FSTL4: variants seen among roughly 807,000 people sequenced by gnomAD.
FSTL4 encodes follistatin-related protein 4.
In FSTL4, 28 loss-of-function variants were observed where a neutral mutation model predicts 78.2. The ratio of observed to expected loss-of-function variants is 0.36; its 90% CI spans 0.27 to 0.49. FSTL4 has a LOEUF of 0.49. Ranked by LOEUF, FSTL4 falls within the 20% of genes least tolerant of loss-of-function variation. FSTL4 has a pLI of 0.98. For missense variants in FSTL4, 922 were observed against 1,084.9 expected (o/e 0.85, Z 2.11); for synonymous variants, 422 against 440.5 (o/e 0.96, Z 0.53).
chr5:133,548,288 G>A (rs1337974374), intron 3 of FSTL4, among the ~76,000 whole-genome samples: 1 of 149,492 alleles, frequency 6.7e-6, no homozygotes, highest in Non-Finnish European at 1.5e-5. Context: ...CAGGTGACTT[G>A]GGGGAACCCT....
intron 4 of FSTL4, among the ~76,000 whole-genome samples, chr5:133,384,023 T>G (rs1755640198): frequency 6.6e-6 from 1 of 152,240 alleles, no homozygotes; most frequent in African/African-American, 2.4e-5. Flanking sequence ...TTTAAATTAT[T>G]AAGCTTTTGG....
At chr5:133,643,146 T>C in the FSTL4 span, among the ~76,000 whole-genome samples, 3 of 152,316 alleles carry the variant, frequency 2.0e-5, no homozygotes, top group East Asian at 5.8e-4. Flanking sequence ...TGCATAGGTT[T>C]GAACTCAGCT....
the FSTL4 span, among the ~76,000 whole-genome samples, chr5:133,756,780 GT>G: frequency 6.6e-6 from 1 of 152,072 alleles, no homozygotes; most frequent in East Asian, 1.9e-4. Flanking sequence ...TTGTGGTGAG[GT>G]TTTTTTCTAA....
At chr5:133,835,090 A>C in the FSTL4 span, among the ~76,000 whole-genome samples, 1 of 152,228 alleles carries the variant, frequency 6.6e-6, no homozygotes, top group East Asian at 1.9e-4. Context: ...CACGTAGATC[A>C]GTACCCTCCT....
intron 4 of FSTL4, among the ~76,000 whole-genome samples, chr5:133,391,516 G>C (rs866321292): frequency 6.6e-6 from 1 of 152,292 alleles, no homozygotes; most frequent in East Asian, 1.9e-4. Context: ...TGGGCCTCAC[G>C]GAGTAATGAG....
chr5:133,802,169 G>C, the FSTL4 span, among the ~76,000 whole-genome samples: 121 of 152,352 alleles, frequency 7.9e-4, 1 homozygote, highest in African/African-American at 2.6e-3. Context: ...AACTCTGTAA[G>C]GGCCTGGACT....
intron 7 of FSTL4, among the ~76,000 whole-genome samples, chr5:133,242,526 C>A (rs1211340232): frequency 1.3e-5 from 2 of 152,070 alleles, no homozygotes; most frequent in African/African-American, 4.8e-5. Flanking sequence ...GCCCTGAGGC[C>A]AGGGCTTCCC....
At position 133,556,097 on chromosome 5, in the gene FSTL4, T is replaced by G. The variant is rs902284503; in HGVS notation, c.160+11089A>C. On this transcript the variant is annotated intron_variant, in intron 3 of 15. Transcript: ENST00000265342. ...CCTCTGACTCTGCAGGCATGCTGAC[T>G]GTAGAACAATGAATCCACATTTTTG... 2.0e-5 allele frequency among the ~76,000 whole-genome samples: 3 copies of G among 152,192 alleles called. No individual in the cohort carries two copies. In the East Asian group the frequency reaches 5.8e-4, roughly 29 times the overall value.
intron 2 of FSTL4, among the ~76,000 whole-genome samples, chr5:133,589,837 A>G (rs1314868400): frequency 2.0e-5 from 3 of 152,216 alleles, no homozygotes; most frequent in African/African-American, 7.2e-5. Context: ...AGATAGTCAG[A>G]AAGCCAGATG....
the FSTL4 span, among the ~76,000 whole-genome samples, chr5:133,802,579 C>T: frequency 3.9e-5 from 6 of 152,220 alleles, no homozygotes; most frequent in African/African-American, 1.2e-4. Flanking sequence ...GGACTCCCAG[C>T]TACACACATG....
the FSTL4 span, among the ~76,000 whole-genome samples, chr5:133,768,479 A>G: frequency 6.6e-6 from 1 of 152,208 alleles, no homozygotes; most frequent in Non-Finnish European, 1.5e-5. Flanking sequence ...GCCACAATGA[A>G]CACTCATTCA....
intron 6 of FSTL4, among the ~76,000 whole-genome samples, chr5:133,300,524 GTA>G (rs1482438868): frequency 6.6e-6 from 1 of 152,202 alleles, no homozygotes; most frequent in Non-Finnish European, 1.5e-5. Context: ...GGCCTGGACA[GTA>G]TTCAGCCTGG....
At chr5:133,518,726 A>G (rs1178307794) in intron 3 of FSTL4, among the ~76,000 whole-genome samples, 2 of 152,232 alleles carry the variant, frequency 1.3e-5, no homozygotes, top group African/African-American at 4.8e-5. Context: ...GTGCATAGGA[A>G]AAAGCTTGGT....
At chr5:133,701,295 C>G in the FSTL4 span, among the ~76,000 whole-genome samples, 1 of 151,402 alleles carries the variant, frequency 6.6e-6, no homozygotes, top group African/African-American at 2.4e-5. Context: ...CCCAGCTATT[C>G]CAGTGGCTGG....
rs937153900 is a variant in FSTL4, at chr5:133,368,708, C to T, written c.409+32030G>A. On this transcript the variant is annotated intron_variant, in intron 4 of 15. Coordinates refer to ENST00000265342, the MANE Select transcript of FSTL4 (RefSeq NM_015082.2). The stretch of plus-strand genomic sequence containing the variant: ...ACAGATTCCTGAGCCAGGAAACAAA[C>T]GTGCACCAGAACAGAACCGGTGGGT... 6.6e-5 allele frequency among the ~76,000 whole-genome samples: 10 copies of T among 152,300 alleles called. No homozygotes were observed. The East Asian group carries it at 1.4e-3, about 21-fold the overall frequency.
At chr5:133,510,528 T>C (rs1381631853) in intron 3 of FSTL4, among the ~76,000 whole-genome samples, 1 of 152,148 alleles carries the variant, frequency 6.6e-6, no homozygotes, top group East Asian at 1.9e-4. Flanking sequence ...TACCCAACAA[T>C]GTTCCCAGCC....
At chr5:133,735,736 C>G in the FSTL4 span, among the ~76,000 whole-genome samples, 1 of 152,122 alleles carries the variant, frequency 6.6e-6, no homozygotes, top group Non-Finnish European at 1.5e-5. Flanking sequence ...TGAAGAGGGA[C>G]CTCACGTCTC....
At chr5:133,789,948 G>A in the FSTL4 span, among the ~76,000 whole-genome samples, 2 of 152,114 alleles carry the variant, frequency 1.3e-5, no homozygotes, top group Non-Finnish European at 2.9e-5. Flanking sequence ...GCATTTTGGG[G>A]AGACATAAAT....
chr5:133,808,645 C>A, the FSTL4 span, among the ~76,000 whole-genome samples: 1 of 152,272 alleles, frequency 6.6e-6, no homozygotes, highest in Admixed American at 6.5e-5. Flanking sequence ...ACTTTGAAAG[C>A]CTGATGGTGA....
Sources: allele counts gnomAD v4.1 joint callset (sites outside exome capture counted in the v4.1 genomes callset), GRCh38; gene constraint gnomAD v4.1.1; transcripts MANE v1.5; gene names NCBI Gene and HGNC (gene_info 2026-07-23, HGNC 2026-07-21).